Variants in INPP4B observed in about 807,000 individuals in gnomAD.
INPP4B encodes the protein inositol polyphosphate 4-phosphatase type II.
A neutral mutation model predicts 122.5 loss-of-function variants in INPP4B; 55 were observed. The observed-to-expected ratio is 0.45, with a 90% CI of 0.36 to 0.56. The LOEUF (loss-of-function observed/expected upper bound fraction) is 0.56, where lower values mean the gene tolerates loss of function less well. Ranked by LOEUF, INPP4B falls within the 20% of genes least tolerant of loss-of-function variation. The pLI is 0.00. For synonymous variants in INPP4B, 403 were observed against 388.7 expected (o/e 1.04, Z -0.43); for missense variants, 1,000 against 1,097.7 (o/e 0.91, Z 1.26).
At chr4:142,722,911 T>C (rs1764869643) in intron 2 of INPP4B, among the ~76,000 whole-genome samples, 1 of 152,156 alleles carries the variant, frequency 6.6e-6, no homozygotes, top group Non-Finnish European at 1.5e-5. Flanking sequence ...CTTTCAGTTG[T>C]TATTATAGTA....
At chr4:142,711,853 G>A (rs539638178) in intron 2 of INPP4B, among the ~76,000 whole-genome samples, 1 of 152,240 alleles carries the variant, frequency 6.6e-6, no homozygotes, top group African/African-American at 2.4e-5. Flanking sequence ...TTCGAGACCA[G>A]CCTGGCCAAA....
chr4:142,640,052 C>T lies in INPP4B; in HGVS notation c.-191+85787G>A, dbSNP rs77344711. On this transcript the variant is annotated intron_variant, in intron 2 of 25. Coordinates refer to ENST00000262992, the MANE Select transcript of INPP4B (RefSeq NM_001101669.3). ...TATGAATAGTGAAAAGGTGAAAAAC[C>T]TCATAGGAATACTAACCTAGAAAGG... is the stretch of plus-strand genomic sequence containing the variant. 1.3e-3 allele frequency among the ~76,000 whole-genome samples: 197 copies of T among 151,884 alleles called. 2 individuals are homozygous for T. The East Asian group carries it at 0.017, about 13-fold the overall frequency.
intron 2 of INPP4B, among the ~76,000 whole-genome samples, chr4:142,486,707 C>A (rs927861335): frequency 6.6e-6 from 1 of 151,988 alleles, no homozygotes; most frequent in Admixed American, 6.6e-5. Flanking sequence ...GAAAAATAGT[C>A]TATTTTGTTT....
chr4:142,300,780 G>GATC (rs1397404679), intron 9 of INPP4B, among the ~76,000 whole-genome samples: 2 of 151,994 alleles, frequency 1.3e-5, no homozygotes, highest in Non-Finnish European at 2.9e-5. Context: ...ATCCATTTAA[G>GATC]ATCATCAGTG....
At chr4:142,736,944 A>G (rs565923699) in intron 1 of INPP4B, among the ~76,000 whole-genome samples, 1 of 151,980 alleles carries the variant, frequency 6.6e-6, no homozygotes, top group Non-Finnish European at 1.5e-5. Flanking sequence ...TTTGTCATAG[A>G]TAGCTCGAAA....
intron 1 of INPP4B, among the ~76,000 whole-genome samples, chr4:142,841,520 C>T (rs1783489316): frequency 6.6e-6 from 1 of 151,884 alleles, no homozygotes; most frequent in African/African-American, 2.4e-5. Flanking sequence ...ACTTAATGCA[C>T]TACAACTATC....
chr4:142,030,801 GATTT>G, intron 25 of INPP4B, among the ~76,000 whole-genome samples: 1 of 152,228 alleles, frequency 6.6e-6, no homozygotes, highest in African/African-American at 2.4e-5. Context: ...TTATAAAAAT[GATTT>G]ATTGAAATGG....
At chr4:142,349,309 C>T (rs1251618080) in intron 7 of INPP4B, among the ~76,000 whole-genome samples, 1 of 151,944 alleles carries the variant, frequency 6.6e-6, no homozygotes, top group Non-Finnish European at 1.5e-5. Context: ...GAATTACTTT[C>T]CAAATGAGTG....
intron 12 of INPP4B, among the ~76,000 whole-genome samples, chr4:142,223,972 C>A (rs575700176): frequency 6.6e-6 from 1 of 152,076 alleles, no homozygotes; most frequent in African/African-American, 2.4e-5. Context: ...GTAGCTGCTC[C>A]CTATTGCTTT....
intron 1 of INPP4B, among the ~76,000 whole-genome samples, chr4:142,757,008 A>C (rs1770604942): frequency 6.6e-6 from 1 of 152,176 alleles, no homozygotes. Flanking sequence ...ATCAATAAAC[A>C]TTATGGTATC....
At chr4:142,647,891 C>T (rs1178780818) in intron 2 of INPP4B, among the ~76,000 whole-genome samples, 4 of 152,208 alleles carry the variant, frequency 2.6e-5, no homozygotes, top group African/African-American at 4.8e-5. Flanking sequence ...TTTGTTCTAC[C>T]GTTGTTTTCC....
In INPP4B at chr4:142,270,793, G is replaced by A. The variant is rs1247478843; in HGVS notation, c.504-19C>T. 14 of 1,512,846 alleles carry A rather than the reference G, an allele frequency of 9.3e-6. No individual in the cohort carries two copies. The highest frequency in any genetic ancestry group is 3.4e-5 in the South Asian group (3 of 88,936). 93.7% of individuals were successfully genotyped at this position (1,512,846 alleles called of 1,614,324 possible). ...TGAAGTTCTGCAACAAAAAATACAC[G>A]AAATGGAAAGGTAAGAAGCTTCTCT... On this transcript the variant is annotated intron_variant, in intron 9 of 25. Transcript: ENST00000262992.
At chr4:142,818,580 A>G (rs115630759) in intron 1 of INPP4B, among the ~76,000 whole-genome samples, 6,589 of 152,266 alleles carry the variant, frequency 0.043, 190 homozygotes, top group Non-Finnish European at 0.066. Flanking sequence ...CATTGACAAT[A>G]TAGAAAGGAA....
chr4:142,466,570 A>G (rs1817825686), intron 2 of INPP4B, among the ~76,000 whole-genome samples: 3 of 152,236 alleles, frequency 2.0e-5, no homozygotes, highest in African/African-American at 7.2e-5. Flanking sequence ...CAGCCTGACC[A>G]TGTGGCAGAG....
chr4:142,586,926 A>G (rs1369487868), intron 2 of INPP4B, among the ~76,000 whole-genome samples: 1 of 152,194 alleles, frequency 6.6e-6, no homozygotes, highest in Non-Finnish European at 1.5e-5. Context: ...AGTGCTTGTT[A>G]GTAAGACTAC....
intron 1 of INPP4B, among the ~76,000 whole-genome samples, chr4:142,819,005 T>C (rs1223632966): frequency 6.6e-6 from 1 of 152,148 alleles, no homozygotes; most frequent in Non-Finnish European, 1.5e-5. Flanking sequence ...TTGGCTCCCA[T>C]AGGCTCAAGA....
intron 2 of INPP4B, among the ~76,000 whole-genome samples, chr4:142,597,832 T>C (rs944038794): frequency 6.6e-6 from 1 of 152,172 alleles, no homozygotes; most frequent in African/African-American, 2.4e-5. Flanking sequence ...TAATTCCCTT[T>C]TATAAACAAA....
intron 7 of INPP4B, among the ~76,000 whole-genome samples, chr4:142,386,856 G>A (rs1298155040): frequency 6.6e-6 from 1 of 152,108 alleles, no homozygotes; most frequent in African/African-American, 2.4e-5. Context: ...AGTGAGGTCC[G>A]AAGTAGACCT....
chr4:142,208,025 C>A lies in INPP4B; in HGVS notation c.1072+400G>T, dbSNP rs932654152. On this transcript the variant is annotated intron_variant, in intron 14 of 25. Coordinates refer to ENST00000262992, the MANE Select transcript of INPP4B (RefSeq NM_001101669.3). ...TTTCTATTGATAGTTATCAGTAAGTCAAAAAAAAACCTGGCATATTAGTCC... is the reference window on the plus strand; with the variant it reads ...TTTCTATTGATAGTTATCAGTAAGTAAAAAAAAAACCTGGCATATTAGTCC... Among the ~76,000 whole-genome samples the A allele has an allele frequency of 1.0e-4, 15 of 150,040 alleles. No individual in the cohort carries two copies. In the East Asian group the frequency reaches 1.4e-3, roughly 14 times the overall value.
Sources: allele counts gnomAD v4.1 joint callset (sites outside exome capture counted in the v4.1 genomes callset), GRCh38; gene constraint gnomAD v4.1.1; transcripts MANE v1.5; gene names NCBI Gene and HGNC (gene_info 2026-07-23, HGNC 2026-07-21).